The following ZAN variants were observed in gnomAD, a reference collection of about 807,000 sequenced individuals.
ZAN encodes zonadhesin, also known as zonadhesin (gene/pseudogene).
ZAN carries 260 observed loss-of-function variants against 286.2 expected under a neutral mutation model. The ratio of observed to expected loss-of-function variants is 0.91; its 90% CI spans 0.82 to 1.01. The LOEUF is 1.01. Among genes scored for constraint, ZAN ranks in the 50% least tolerant of loss-of-function variants. The pLI is 0.00. For synonymous variants in ZAN, 1,368 were observed against 1,417.5 expected (o/e 0.97, Z 0.79); for missense variants, 3,410 against 3,639.2 (o/e 0.94, Z 1.62).
In ZAN at chr7:100,779,492, C is replaced by T. The variant is rs750614545; in HGVS notation, c.6364C>T (p.Gln2122Ter). 6.2e-7 allele frequency: 1 copy of T among 1,611,960 alleles called. No individual in the cohort carries two copies. The highest frequency in any genetic ancestry group is 1.3e-5 in the African/African-American group (1 of 75,070). ...TGAGCAGCAGATTCCAGCGGAACAG[C>T]AGGAGAACCCGAGTGGAAACTGCAG... is the stretch of plus-strand genomic sequence containing the variant. ...VDEQQIPAEQ[Q>*]ENPSGNCRAA... The change falls in exon 35 of 48, where the codon CAG (glutamine) becomes TAG (stop). Residue 2122 changes from glutamine to a stop codon, truncating the protein, a stop_gained. Transcript: ENST00000613979. LOFTEE classifies it high-confidence loss of function.
intron 24 of ZAN, 35 bp from the exon 25 acceptor site, chr7:100,766,975 G>T: frequency 1.2e-6 from 2 of 1,609,506 alleles, no homozygotes; most frequent in Middle Eastern, 3.8e-4. Flanking sequence ...GGGCATGGAG[G>T]AGTGAGACTG....
At chr7:100,735,587 C>A in intron 2 of ZAN, 133 bp from the exon 3 acceptor site, 1 of 655,794 alleles carries the variant, frequency 1.5e-6, no homozygotes, top group East Asian at 3.3e-5. Context: ...GAAAAAAAGT[C>A]AAGTCAGACA....
At chr7:100,760,904 C>CT (rs997219914) in intron 19 of ZAN, among the ~76,000 whole-genome samples, 3 of 151,918 alleles carry the variant, frequency 2.0e-5, no homozygotes, top group South Asian at 2.1e-4. Flanking sequence ...TCTTCTTCTT[C>CT]TTTTTTTTGA....
chr7:100,766,592 G>T lies in ZAN; in HGVS notation c.4538G>T (p.Arg1513Leu). The change falls in exon 24 of 48, where the codon CGC becomes CTC. Residue 1513 changes from arginine to leucine, a missense_variant. Physicochemically the swap from Arg to Leu is moderately radical, Grantham distance 102 (BLOSUM62 -2). This residue lies in a region of ZAN where 1,042 missense variants were observed against 1,058.0 expected (regional missense o/e 0.98). Coordinates refer to ENST00000613979, the MANE Select transcript of ZAN (RefSeq NM_003386.3). ...GTCTGTGAAAGCAACAACAGAATTCGCTGCCAGCCCTGGAGGTGTAGGGCC... is the reference window on the plus strand; with the variant it reads ...GTCTGTGAAAGCAACAACAGAATTCTCTGCCAGCCCTGGAGGTGTAGGGCC... ...LCVCESNNRI[R>L]CQPWRCRAQE... The T allele has an allele frequency of 6.4e-7, 1 of 1,553,586 alleles. No individual in the cohort carries two copies. Among genetic ancestry groups the T allele is most frequent in the Non-Finnish European group, 8.7e-7 (1 of 1,148,154 alleles).
In ZAN at chr7:100,773,317, C is replaced by CCCTGCAGCAGCCCCTGCCCAGACA. The variant is rs1290175803; in HGVS notation, c.5470_5493dup (p.Pro1824_Ser1831dup). ...GTGCCCACCTGGCAGCAGCTACAGC[C>CCCTGCAGCAGCCCCTGCCCAGACA]CCTGCAGCAGCCCCTGCCCAGACAC... On this transcript the variant is annotated inframe_insertion, in exon 30 of 48. Transcript: ENST00000613979. 1.2e-6 allele frequency: 2 copies of CCCTGCAGCAGCCCCTGCCCAGACA among 1,613,848 alleles called. No homozygotes were observed. The highest frequency in any genetic ancestry group is 1.7e-5 in the Admixed American group (1 of 59,998).
intron 7 of ZAN, among the ~76,000 whole-genome samples, chr7:100,746,038 A>C (rs1808193000): frequency 6.6e-6 from 1 of 151,928 alleles, no homozygotes; most frequent in Non-Finnish European, 1.5e-5. Context: ...AGCCTGGGCA[A>C]TGTGGTGAAA....
intron 17 of ZAN, 136 bp from the exon 18 acceptor site, chr7:100,759,585 G>A (rs1020418460): frequency 1.0e-5 from 12 of 1,149,110 alleles, no homozygotes; most frequent in South Asian, 7.0e-5. Flanking sequence ...GTGTGGATCC[G>A]GCCTCCCCTA....
In ZAN at chr7:100,791,998, C is replaced by G; in HGVS notation, c.7562C>G (p.Ala2521Gly). The stretch of plus-strand genomic sequence containing the variant: ...CCAGCGGAGGAGGAGGGACAAGGGG[C>G]GGAGCTGGGCCTCCGCACGGGCCTC... ...AIPAEEEGQG[A>G]ELGLRTGLQV... is the part of the protein sequence containing the mutation. The change falls in exon 41 of 48, where the codon GCG becomes GGG. Residue 2521 changes from alanine to glycine, a missense_variant. Physicochemically the swap from Ala to Gly is moderately conservative, Grantham distance 60. This residue lies in a region of ZAN where 1,289 missense variants were observed against 1,314.3 expected (regional missense o/e 0.98). Coordinates refer to ENST00000613979, the MANE Select transcript of ZAN (RefSeq NM_003386.3). 1 of 1,613,036 alleles carries G rather than the reference C, an allele frequency of 6.2e-7. No homozygotes were observed. The highest frequency in any genetic ancestry group is 8.5e-7 in the Non-Finnish European group (1 of 1,179,672).
At chr7:100,753,702 G>A (rs1050764559) in intron 14 of ZAN, among the ~76,000 whole-genome samples, 7 of 151,034 alleles carry the variant, frequency 4.6e-5, no homozygotes, top group Non-Finnish European at 5.9e-5. Flanking sequence ...GTGTGGTGGC[G>A]CACGCCTGTA....
intron 27 of ZAN, 74 bp from the exon 28 acceptor site, chr7:100,769,806 C>A: frequency 2.1e-6 from 3 of 1,396,084 alleles, no homozygotes; most frequent in South Asian, 1.3e-5. Flanking sequence ...CTTGGCTTCC[C>A]AAAGTGCTGG....
chr7:100,796,903 CA>C (rs1812398518), intron 45 of ZAN, among the ~76,000 whole-genome samples: 1 of 151,970 alleles, frequency 6.6e-6, no homozygotes, highest in Non-Finnish European at 1.5e-5. Flanking sequence ...TTTGGGAGGC[CA>C]AGGCGGGAGG....
At position 100,766,992 on chromosome 7, in the gene ZAN, C is replaced by T. The variant is rs768415384; in HGVS notation, c.4613-18C>T. ...GCATGGAGGAGTGAGACTGTGAACT[C>T]CATCTTCTTCTCCACAGGTGCCGCC... is the stretch of plus-strand genomic sequence containing the variant. On this transcript the variant is annotated intron_variant, in intron 24 of 47. Coordinates refer to ENST00000613979, the MANE Select transcript of ZAN (RefSeq NM_003386.3). The T allele has an allele frequency of 1.9e-6, 3 of 1,612,522 alleles. No homozygotes were observed. The highest frequency in any genetic ancestry group is 2.5e-6 in the Non-Finnish European group (3 of 1,179,070).
chr7:100,759,968 C>A (rs1313751379), intron 18 of ZAN, 123 bp downstream of exon 18: 11 of 1,395,568 alleles, frequency 7.9e-6, no homozygotes, highest in Non-Finnish European at 9.5e-6. Flanking sequence ...AATCCCAGCT[C>A]CTTGGGAGGC....
chr7:100,779,502 C>G lies in ZAN; in HGVS notation c.6374C>G (p.Pro2125Arg). Residue 2125 changes from proline (P) to arginine (R), a missense_variant, in exon 35 of 48, where the codon CCG becomes CGG. By Grantham distance (103) the Pro-to-Arg change is moderately radical (BLOSUM62 -2). Around this residue, in one of 7 missense-constraint regions of ZAN, gnomAD observed 1,289 missense variants for 1,314.3 expected, o/e 0.98. Coordinates refer to ENST00000613979, the MANE Select transcript of ZAN (RefSeq NM_003386.3). ...QQIPAEQQEN[P>R]SGNCRAADLR... ...ATTCCAGCGGAACAGCAGGAGAACC[C>G]GAGTGGAAACTGCAGGGCGGCCGAC... 1.2e-6 allele frequency: 2 copies of G among 1,612,328 alleles called. No homozygotes were observed. Among genetic ancestry groups the G allele is most frequent in the Non-Finnish European group, 1.7e-6 (2 of 1,179,372 alleles).
At chr7:100,773,203 C>A in intron 29 of ZAN, 82 bp from the exon 30 acceptor site, 1 of 1,491,880 alleles carries the variant, frequency 6.7e-7, no homozygotes, top group African/African-American at 1.4e-5. Flanking sequence ...CGCTCCTGGC[C>A]ACTACTAGGA....
intron 45 of ZAN, among the ~76,000 whole-genome samples, chr7:100,796,562 G>A (rs529807182): frequency 1.3e-5 from 2 of 151,774 alleles, no homozygotes; most frequent in Non-Finnish European, 1.5e-5. Flanking sequence ...GATTACAGGC[G>A]CCGGCCACCA....
intron 41 of ZAN, 104 bp from the exon 42 acceptor site, chr7:100,792,301 C>T (rs959364443): frequency 5.3e-6 from 8 of 1,514,868 alleles, no homozygotes; most frequent in South Asian, 2.6e-5. Context: ...CACTGGACAC[C>T]GACTGATGTC....
chr7:100,797,220 C>A, intron 45 of ZAN, 146 bp from the exon 46 acceptor site: 2 of 735,070 alleles, frequency 2.7e-6, no homozygotes, highest in Non-Finnish European at 4.6e-6. Flanking sequence ...AGGTGAGAAC[C>A]TCCTGGAGGA....
At chr7:100,735,836 A>G in intron 3 of ZAN, 64 bp downstream of exon 3, 1 of 1,259,154 alleles carries the variant, frequency 7.9e-7, no homozygotes, top group Non-Finnish European at 1.1e-6. Context: ...TTCTGCCACC[A>G]GAATGCCAGT....
Sources: gnomAD v4.1 joint callset for allele counts (sites outside exome capture counted in the v4.1 genomes callset) on GRCh38, gnomAD v4.1.1 for gene constraint, gnomAD v4.1.1 regional missense constraint, MANE v1.5 for transcripts, NCBI Gene and HGNC (gene_info 2026-07-23, HGNC 2026-07-21) for gene names.